TAF13: variants seen among roughly 807,000 people sequenced by gnomAD.
TAF13 encodes the protein TATA-box binding protein associated factor 13.
In TAF13, 9 loss-of-function variants were observed where a neutral mutation model predicts 18.7. The observed-to-expected ratio is 0.48, with a 90% CI of 0.29 to 0.84. The LOEUF (loss-of-function observed/expected upper bound fraction) is 0.84, where lower values mean the gene tolerates loss of function less well. Among genes scored for constraint, TAF13 ranks in the 40% least tolerant of loss-of-function variants. TAF13 has a pLI of 0.08. For missense variants in TAF13, 105 were observed against 146.5 expected (o/e 0.72, Z 1.46); for synonymous variants, 49 against 44.1 (o/e 1.11, Z -0.44).
At chr1:109,071,157 G>T (rs573129606) in intron 2 of TAF13, among the ~76,000 whole-genome samples, 1 of 151,664 alleles carries the variant, frequency 6.6e-6, no homozygotes, top group East Asian at 2.0e-4. Flanking sequence ...TTAGTTGGGT[G>T]TGGCCAGGCA....
chr1:109,067,604 T>C (rs2102106570), intron 2 of TAF13, among the ~76,000 whole-genome samples: 1 of 152,154 alleles, frequency 6.6e-6, no homozygotes, highest in East Asian at 1.9e-4. Flanking sequence ...AGGGAGGCTG[T>C]GTCTCAAAAA....
At chr1:109,073,587 C>G (rs1010823962) in intron 2 of TAF13, among the ~76,000 whole-genome samples, 7 of 152,144 alleles carry the variant, frequency 4.6e-5, no homozygotes, top group Non-Finnish European at 7.4e-5. Context: ...GGGCTGGTCT[C>G]CGCTCCTGAC....
intron 2 of TAF13, among the ~76,000 whole-genome samples, chr1:109,069,323 G>A (rs1478437664): frequency 6.6e-6 from 1 of 152,000 alleles, no homozygotes; most frequent in Non-Finnish European, 1.5e-5. Context: ...GATATAAAAT[G>A]GCATAGTATT....
At chr1:109,066,300 T>C (rs146215388) in intron 2 of TAF13, 68 bp from the exon 3 acceptor site, 3 of 1,309,280 alleles carry the variant, frequency 2.3e-6, no homozygotes, top group East Asian at 2.4e-5. Flanking sequence ...TTTAAAAAAA[T>C]AAAGTAGAAA....
intron 2 of TAF13, among the ~76,000 whole-genome samples, chr1:109,069,897 T>C (rs960153364): frequency 6.6e-6 from 1 of 152,194 alleles, no homozygotes; most frequent in African/African-American, 2.4e-5. Context: ...TCGTTCTGTT[T>C]TGGATTCTGT....
chr1:109,064,716 A>G (rs750097096), intron 3 of TAF13, 23 bp from the exon 4 acceptor site: 2 of 1,410,158 alleles, frequency 1.4e-6, no homozygotes, highest in Non-Finnish European at 1.9e-6. Flanking sequence ...AACATATTAC[A>G]TTTAACTTTT....
chr1:109,067,345 G>A (rs1248663514), intron 2 of TAF13, among the ~76,000 whole-genome samples: 3 of 151,652 alleles, frequency 2.0e-5, no homozygotes, highest in Admixed American at 6.6e-5. Flanking sequence ...GCTCACGCCT[G>A]TAATCCCAGC....
rs763991667 is a variant in TAF13, at chr1:109,075,082, A to G, written c.28-17T>C. The G allele has an allele frequency of 5.1e-6, 8 of 1,564,466 alleles. No individual in the cohort carries two copies. Among genetic ancestry groups the G allele is most frequent in the Non-Finnish European group, 6.9e-6 (8 of 1,155,318 alleles). ...TTCCTCAAACTAGAAGTTAAAATGT[A>G]TATATAGAAATGTCAAATAATTGCC... On this transcript the variant is annotated splice_polypyrimidine_tract_variant and intron_variant, in intron 1 of 3. Coordinates refer to ENST00000338366, the MANE Select transcript of TAF13 (RefSeq NM_005645.4).
At chr1:109,074,285 C>G (rs1036435355) in intron 2 of TAF13, among the ~76,000 whole-genome samples, 2 of 152,164 alleles carry the variant, frequency 1.3e-5, no homozygotes, top group Non-Finnish European at 2.9e-5. Context: ...CCCCCAACCC[C>G]GTGCTCTCTG....
intron 2 of TAF13, among the ~76,000 whole-genome samples, chr1:109,071,107 G>A (rs1664041686): frequency 6.6e-6 from 1 of 151,712 alleles, no homozygotes; most frequent in South Asian, 2.1e-4. Flanking sequence ...GACCAGTCTG[G>A]CCAACATGGT....
In TAF13 at chr1:109,073,419, G is replaced by A. The variant is rs140482353; in HGVS notation, c.106+1568C>T. Reference sequence around the variant, plus strand: ...CTCCCTCCCCCTCCCCCTCGTCTGCGTCTCCCGCTTTCCACCGTCTCCCTC... The same window carrying A: ...CTCCCTCCCCCTCCCCCTCGTCTGCATCTCCCGCTTTCCACCGTCTCCCTC... On this transcript the variant is annotated intron_variant, in intron 2 of 3. Transcript: ENST00000338366. Among the ~76,000 whole-genome samples, 1,038 of 152,110 alleles carry A rather than the reference G, an allele frequency of 6.8e-3. 12 individuals are homozygous for A. Among genetic ancestry groups the A allele is most frequent in the Middle Eastern group, 0.034 (10 of 294 alleles).
intron 3 of TAF13, among the ~76,000 whole-genome samples, chr1:109,065,107 A>G (rs1663930434): frequency 1.3e-5 from 2 of 152,214 alleles, no homozygotes; most frequent in South Asian, 4.1e-4. Flanking sequence ...ACTCTATCTC[A>G]TCCTGTCATT....
intron 2 of TAF13, among the ~76,000 whole-genome samples, chr1:109,072,077 CACACACAT>C (rs1664082452): frequency 4.4e-4 from 2 of 4,580 alleles, no homozygotes; most frequent in African/African-American, 8.0e-4. Flanking sequence ...TATATATATA[CACACACAT>C]ATATATATAT....
Position 109,072,469 on chromosome 1 carries a change from G to A in TAF13, c.106+2518C>T, listed in dbSNP as rs569322220. On this transcript the variant is annotated intron_variant, in intron 2 of 3. Transcript: ENST00000338366. ...TATTTGTTTATTTATTTTGGACACA[G>A]GGTCTGGTTTCGTCACCAAGGCTGG... is the stretch of plus-strand genomic sequence containing the variant. Among the ~76,000 whole-genome samples the A allele has an allele frequency of 2.4e-4, 36 of 152,132 alleles. No homozygotes were observed. The South Asian group carries it at 7.1e-3, about 30-fold the overall frequency.
At chr1:109,072,651 C>T (rs1557986439) in intron 2 of TAF13, among the ~76,000 whole-genome samples, 1 of 151,994 alleles carries the variant, frequency 6.6e-6, no homozygotes, top group Non-Finnish European at 1.5e-5. Context: ...CACTATGTTG[C>T]CCAGGCTGGT....
At position 109,067,001 on chromosome 1, in the gene TAF13, G is replaced by A. The variant is rs547608104; in HGVS notation, c.107-769C>T. 1.8e-4 allele frequency among the ~76,000 whole-genome samples: 28 copies of A among 152,182 alleles called. No individual in the cohort carries two copies. The South Asian group carries it at 5.4e-3, about 29-fold the overall frequency. ...CCCAAAGTGCTGGGATTACAGGCGT[G>A]AGCCACCGCGCCCAGCCCCAAATCT... On this transcript the variant is annotated intron_variant, in intron 2 of 3. Transcript: ENST00000338366.
intron 2 of TAF13, among the ~76,000 whole-genome samples, chr1:109,067,471 G>T (rs141825525): frequency 2.6e-5 from 4 of 151,892 alleles, no homozygotes; most frequent in Non-Finnish European, 5.9e-5. Context: ...TCAGCTGGGG[G>T]TGTTGGCACA....
chr1:109,071,547 T>A (rs935906232), intron 2 of TAF13, among the ~76,000 whole-genome samples: 3 of 151,358 alleles, frequency 2.0e-5, no homozygotes, highest in African/African-American at 7.3e-5. Flanking sequence ...GAGTTAAAGG[T>A]TGCAGTGAGC....
chr1:109,064,810 G>T, intron 3 of TAF13, 117 bp from the exon 4 acceptor site: 1 of 819,298 alleles, frequency 1.2e-6, no homozygotes, highest in Non-Finnish European at 1.7e-6. Context: ...TATTATTATG[G>T]CTATTCATTT....
Sources: gnomAD v4.1 joint callset for allele counts (sites outside exome capture counted in the v4.1 genomes callset) on GRCh38, gnomAD v4.1.1 for gene constraint, MANE v1.5 for transcripts, NCBI Gene and HGNC (gene_info 2026-07-23, HGNC 2026-07-21) for gene names.